Variants in PSKH2 observed in about 807,000 individuals in gnomAD.
The protein encoded by PSKH2 is serine/threonine-protein kinase H2.
Under a neutral mutation model 22.5 loss-of-function variants are expected in PSKH2, and 16 were observed. The observed-to-expected ratio is 0.71, with a 90% CI of 0.48 to 1.08. PSKH2 has a LOEUF of 1.08. PSKH2 is among the 50% of genes least tolerant of loss of function. The pLI is 0.00. For synonymous variants in PSKH2, 188 were observed against 184.8 expected (o/e 1.02, Z -0.14); for missense variants, 516 against 492.8 (o/e 1.05, Z -0.44).
intron 2 of PSKH2, among the ~76,000 whole-genome samples, chr8:86,061,437 T>A (rs117517087): frequency 1.3e-3 from 195 of 152,170 alleles, no homozygotes; most frequent in Non-Finnish European, 2.2e-3. Flanking sequence ...CATATCACAC[T>A]CTGTGTAGTT....
intron 2 of PSKH2, among the ~76,000 whole-genome samples, chr8:86,049,742 GAAAGAAACGAAAGAAAGAA>G (rs1817598076): frequency 2.0e-4 from 5 of 24,986 alleles, no homozygotes; most frequent in African/African-American, 7.0e-4. Flanking sequence ...AAGAAAGAAA[GAAAGAAACGAAAGAAAGAA>G]AGAAAGAGAA....
Position 86,069,658 on chromosome 8 carries a change from A to G in PSKH2, c.-36T>C, listed in dbSNP as rs538486744. ...CGCCCGCCGCTCGCGGGACCTGGGG[A>G]CTCGGGAAGCAGCCAGCCCCGTTCC... On this transcript the variant is annotated 5_prime_UTR_variant, in exon 1 of 3. Coordinates refer to ENST00000276616, the MANE Select transcript of PSKH2 (RefSeq NM_033126.3). 341 of 1,489,494 alleles carry G rather than the reference A, an allele frequency of 2.3e-4. 2 individuals are homozygous for G. In the African/African-American group the frequency reaches 4.7e-3, roughly 21 times the overall value. 92.3% of individuals were successfully genotyped at this position (1,489,494 alleles called of 1,614,324 possible). A position where few individuals can be genotyped will look rare whatever the true frequency, so the allele number is the denominator to read the frequency against.
At chr8:86,068,025 G>C (rs1817889646) in intron 1 of PSKH2, among the ~76,000 whole-genome samples, 2 of 152,200 alleles carry the variant, frequency 1.3e-5, no homozygotes, top group Admixed American at 1.3e-4. Context: ...ATGAAAACTA[G>C]ACCAGACTAG....
At chr8:86,068,329 A>G (rs929617950) in intron 1 of PSKH2, among the ~76,000 whole-genome samples, 79 of 152,256 alleles carry the variant, frequency 5.2e-4, no homozygotes, top group African/African-American at 1.7e-3. Flanking sequence ...TGTCTCCCCA[A>G]ACACACAGAG....
intron 1 of PSKH2, 113 bp from the exon 2 acceptor site, chr8:86,064,744 ATT>A (rs759847002): frequency 1.2e-6 from 1 of 854,608 alleles, no homozygotes; most frequent in Non-Finnish European, 1.8e-6. Flanking sequence ...CATCAGATTT[ATT>A]TGTTTATTAT....
chr8:86,053,021 G>A (rs1033185823), intron 2 of PSKH2, among the ~76,000 whole-genome samples: 9 of 152,142 alleles, frequency 5.9e-5, no homozygotes, highest in East Asian at 3.8e-4. Context: ...AAAGGAATTC[G>A]GAGGGATGGT....
intron 2 of PSKH2, among the ~76,000 whole-genome samples, chr8:86,062,025 A>G (rs534749360): frequency 6.6e-6 from 1 of 152,382 alleles, no homozygotes; most frequent in Admixed American, 6.5e-5. Context: ...GAAAATCAAA[A>G]TGATCCAAAT....
At chr8:86,059,451 G>A (rs1380812274) in intron 2 of PSKH2, among the ~76,000 whole-genome samples, 1 of 152,116 alleles carries the variant, frequency 6.6e-6, no homozygotes, top group Non-Finnish European at 1.5e-5. Context: ...GAGGCTCTAG[G>A]GGAAAATGCA....
In PSKH2 at chr8:86,064,202, A is replaced by G. The variant is rs1401437457; in HGVS notation, c.615T>C (p.Phe205=). The change falls in exon 2 of 3, where the codon TTT becomes TTC. Residue 205 remains phenylalanine, a synonymous_variant. Transcript: ENST00000276616. The part of the protein sequence containing the change: ...GEESKILITD[F]GLAYSGKKSG... ...TTTTTTTCCCGGAGTATGCCAAACC[A>G]AAATCTGTAATTAAAATTTTCGACT... 1 of 1,613,990 alleles carries G rather than the reference A, an allele frequency of 6.2e-7. No individual in the cohort carries two copies. Among genetic ancestry groups the G allele is most frequent in the South Asian group, 1.1e-5 (1 of 91,078 alleles).
At chr8:86,051,711 T>C (rs567019442) in intron 2 of PSKH2, among the ~76,000 whole-genome samples, 1 of 152,308 alleles carries the variant, frequency 6.6e-6, no homozygotes, top group East Asian at 1.9e-4. Context: ...CTCTGGAACA[T>C]TTTAAGACAA....
chr8:86,047,764 G>A lies in PSKH2; in HGVS notation c.*698C>T, dbSNP rs1206212101. Among the ~76,000 whole-genome samples the A allele has an allele frequency of 6.6e-6, 1 of 152,158 alleles. No homozygotes were observed. Among genetic ancestry groups the A allele is most frequent in the South Asian group, 2.1e-4 (1 of 4,826 alleles). On this transcript the variant is annotated 3_prime_UTR_variant, in exon 3 of 3. Coordinates refer to ENST00000276616, the MANE Select transcript of PSKH2 (RefSeq NM_033126.3). ...AAAAGAAACCAGTACATACTGAAAA[G>A]AGTTGACAGTAGTGATAAGAAGCAA...
intron 2 of PSKH2, 41 bp from the exon 3 acceptor site, chr8:86,048,808 A>G (rs1023581019): frequency 1.5e-5 from 22 of 1,437,898 alleles, no homozygotes; most frequent in Non-Finnish European, 2.0e-5. Context: ...AATAAATAAA[A>G]TGGAAATATA....
chr8:86,049,726 GAAA>G (rs765009785), intron 2 of PSKH2, among the ~76,000 whole-genome samples: 3,343 of 62,398 alleles, frequency 0.054, 276 homozygotes, highest in East Asian at 0.088. Flanking sequence ...AAGAAAGAAA[GAAA>G]GAAAGAAAGA....
intron 2 of PSKH2, among the ~76,000 whole-genome samples, chr8:86,049,702 GAAA>G (rs1285133315): frequency 5.2e-5 from 2 of 38,644 alleles, no homozygotes; most frequent in Admixed American, 2.5e-4. Context: ...AAGAAAGAAA[GAAA>G]GAAAGAAAGA....
At chr8:86,054,580 A>G (rs1817675862) in intron 2 of PSKH2, among the ~76,000 whole-genome samples, 1 of 152,130 alleles carries the variant, frequency 6.6e-6, no homozygotes, top group Non-Finnish European at 1.5e-5. Flanking sequence ...TTATTTCTCA[A>G]TCTACAAAGC....
At chr8:86,051,787 T>TG (rs2130143078) in intron 2 of PSKH2, among the ~76,000 whole-genome samples, 1 of 152,320 alleles carries the variant, frequency 6.6e-6, no homozygotes, top group South Asian at 2.1e-4. Context: ...CTTATTAAGA[T>TG]GACCCCAAAT....
At position 86,062,879 on chromosome 8, in the gene PSKH2, C is replaced by G. The variant is rs1166812516; in HGVS notation, c.852+1086G>C. ...TAGTGAGAGGGCTAATCTCTCAGTA[C>G]CCTTCACAGCCATATGTAGAATTTA... On this transcript the variant is annotated intron_variant, in intron 2 of 2. Transcript: ENST00000276616. 2.6e-5 allele frequency among the ~76,000 whole-genome samples: 4 copies of G among 152,144 alleles called. No individual in the cohort carries two copies. The East Asian group carries it at 7.7e-4, about 29-fold the overall frequency.
rs1817814308 is a variant in PSKH2 at position 86,063,952 on chromosome 8, A to G, written c.852+13T>C. 8.2e-6 allele frequency: 13 copies of G among 1,586,128 alleles called. No individual in the cohort carries two copies. Among genetic ancestry groups the G allele is most frequent in the Non-Finnish European group, 1.1e-5 (13 of 1,164,906 alleles). On this transcript the variant is annotated intron_variant, in intron 2 of 2. Coordinates refer to ENST00000276616, the MANE Select transcript of PSKH2 (RefSeq NM_033126.3). ...TAAACCAACACAATAGAAATAAAAT[A>G]ATGCTCTCTTACCTCTCCTGTATAA...
At chr8:86,062,599 G>A (rs1052143964) in intron 2 of PSKH2, among the ~76,000 whole-genome samples, 2 of 151,186 alleles carry the variant, frequency 1.3e-5, no homozygotes, top group Admixed American at 6.6e-5. Context: ...GGCTCTTTCC[G>A]CCTCTCTTTT....
Sources: allele counts gnomAD v4.1 joint callset (sites outside exome capture counted in the v4.1 genomes callset), GRCh38; gene constraint gnomAD v4.1.1; transcripts MANE v1.5; gene names NCBI Gene and HGNC (gene_info 2026-07-23, HGNC 2026-07-21).